The following C2orf80 variants were observed in gnomAD, a reference collection of about 807,000 sequenced individuals.
C2orf80 encodes the protein uncharacterized protein C2orf80.
In C2orf80, 28 loss-of-function variants were observed where a neutral mutation model predicts 30.2. That is an observed-to-expected ratio of 0.93 (90% CI 0.69 to 1.27). C2orf80 has a LOEUF of 1.27. Among genes scored for constraint, C2orf80 ranks in the 50% most tolerant of loss-of-function variants. The pLI is 0.00. For missense variants in C2orf80, 220 were observed against 231.0 expected (o/e 0.95, Z 0.31); for synonymous variants, 80 against 76.4 (o/e 1.05, Z -0.24).
In C2orf80 at chr2:208,176,869, A is replaced by G. The variant is rs556267658; in HGVS notation, c.366+3876T>C. ...TAATATATCTATATATATACTATAT[A>G]TACATATGTATACATAGGTGTATAT... On this transcript the variant is annotated intron_variant, in intron 6 of 8. Coordinates refer to ENST00000341287, the MANE Select transcript of C2orf80 (RefSeq NM_001099334.3). 1.3e-3 allele frequency among the ~76,000 whole-genome samples: 174 copies of G among 132,226 alleles called. 3 individuals carry two copies. Among genetic ancestry groups the G allele is most frequent in the African/African-American group, 4.3e-3 (156 of 36,278 alleles). The allele number at this position is 132,226 out of a possible 152,430, so 86.7% of individuals were successfully genotyped here. A position where few individuals can be genotyped will look rare whatever the true frequency, so the allele number is the denominator to read the frequency against.
At chr2:208,167,485 G>GCA (rs1695934694) in intron 8 of C2orf80, among the ~76,000 whole-genome samples, 1 of 151,848 alleles carries the variant, frequency 6.6e-6, no homozygotes, top group South Asian at 2.1e-4. Context: ...TAACACCACT[G>GCA]CACTCCAGCC....
At chr2:208,173,888 T>C (rs1253676706) in intron 6 of C2orf80, among the ~76,000 whole-genome samples, 1 of 152,118 alleles carries the variant, frequency 6.6e-6, no homozygotes, top group Non-Finnish European at 1.5e-5. Context: ...TTTAAATATA[T>C]ATTGGTAAGT....
At chr2:208,179,706 T>A (rs1207233590) in intron 6 of C2orf80, among the ~76,000 whole-genome samples, 1 of 149,176 alleles carries the variant, frequency 6.7e-6, no homozygotes, top group Non-Finnish European at 1.5e-5. Context: ...GAACACCCTT[T>A]TTTTTTTTTT....
intron 4 of C2orf80, among the ~76,000 whole-genome samples, chr2:208,181,658 C>T (rs917210366): frequency 1.3e-5 from 2 of 152,084 alleles, no homozygotes; most frequent in Middle Eastern, 3.2e-3. Context: ...AGCCTATATG[C>T]TTCTAGGGAA....
chr2:208,176,085 T>C (rs968115283), intron 6 of C2orf80, among the ~76,000 whole-genome samples: 2 of 152,228 alleles, frequency 1.3e-5, no homozygotes, highest in African/African-American at 2.4e-5. Flanking sequence ...TACACGTGGA[T>C]GCTTGATTAG....
At chr2:208,180,452 A>G (rs1030798251) in intron 6 of C2orf80, among the ~76,000 whole-genome samples, 1 of 151,702 alleles carries the variant, frequency 6.6e-6, no homozygotes, top group Admixed American at 6.6e-5. Context: ...TCTGTCTCAA[A>G]AAAAAAAAAC....
rs1311304408 is a variant in C2orf80, at chr2:208,165,383, A to T, written c.*424T>A. The stretch of plus-strand genomic sequence containing the variant: ...AATGCTTTATTGAAATGATTTAAAC[A>T]TTCTTTTCATATGAGAACACAGTAA... On this transcript the variant is annotated 3_prime_UTR_variant, in exon 9 of 9. Coordinates refer to ENST00000341287, the MANE Select transcript of C2orf80 (RefSeq NM_001099334.3). 6.3e-6 allele frequency: 1 copy of T among 158,206 alleles called. No homozygotes were observed. The highest frequency in any genetic ancestry group is 1.4e-5 in the Non-Finnish European group (1 of 71,800). The allele number at this position is 158,206 out of a possible 1,614,324, so 9.8% of individuals were successfully genotyped here.
chr2:208,184,708 T>C (rs991060892), intron 3 of C2orf80, among the ~76,000 whole-genome samples: 1 of 152,230 alleles, frequency 6.6e-6, no homozygotes, highest in Non-Finnish European at 1.5e-5. Flanking sequence ...TTTTGATTTT[T>C]AATCTTCTTT....
chr2:208,169,538 C>A (rs1448085824), intron 8 of C2orf80, among the ~76,000 whole-genome samples: 1 of 151,768 alleles, frequency 6.6e-6, no homozygotes, highest in African/African-American at 2.4e-5. Flanking sequence ...CATGGTGAAA[C>A]CCCACCTCTA....
At chr2:208,188,173 A>G (rs1273213976) in intron 1 of C2orf80, among the ~76,000 whole-genome samples, 1 of 151,682 alleles carries the variant, frequency 6.6e-6, no homozygotes, top group East Asian at 1.9e-4. Context: ...GAACCCTAAT[A>G]CTCAAATATA....
At position 208,182,589 on chromosome 2, in the gene C2orf80, C is replaced by T. The variant is rs764966512; in HGVS notation, c.206+376G>A. On this transcript the variant is annotated intron_variant, in intron 4 of 8. Coordinates refer to ENST00000341287, the MANE Select transcript of C2orf80 (RefSeq NM_001099334.3). ...CGAATTTTTGTATTTTTAATAGAGG[C>T]GAGGTTTTACCATATTGTCCAGGTT... Among the ~76,000 whole-genome samples the T allele has an allele frequency of 6.6e-5, 10 of 152,224 alleles. No individual in the cohort carries two copies. In the East Asian group the frequency reaches 7.7e-4, roughly 12 times the overall value.
intron 6 of C2orf80, among the ~76,000 whole-genome samples, chr2:208,175,019 C>A (rs1696237777): frequency 6.6e-6 from 1 of 152,120 alleles, no homozygotes; most frequent in South Asian, 2.1e-4. Context: ...GGTGGCTCAG[C>A]CTGTAATCCC....
At chr2:208,183,385 A>C (rs1414691910) in intron 3 of C2orf80, among the ~76,000 whole-genome samples, 1 of 152,136 alleles carries the variant, frequency 6.6e-6, no homozygotes, top group East Asian at 1.9e-4. Flanking sequence ...GCTCAAATCT[A>C]GGTATTGCCA....
At chr2:208,167,446 C>T (rs1007875721) in intron 8 of C2orf80, among the ~76,000 whole-genome samples, 7 of 151,700 alleles carry the variant, frequency 4.6e-5, no homozygotes, top group African/African-American at 1.2e-4. Flanking sequence ...CGCTTAAACC[C>T]GGGAAGCAGA....
At chr2:208,173,900 T>C (rs1696194157) in intron 6 of C2orf80, among the ~76,000 whole-genome samples, 1 of 152,078 alleles carries the variant, frequency 6.6e-6, no homozygotes, top group Non-Finnish European at 1.5e-5. Flanking sequence ...TTGGTAAGTG[T>C]TCATTTGGAC....
chr2:208,175,342 C>T (rs1696251811), intron 6 of C2orf80, among the ~76,000 whole-genome samples: 1 of 151,988 alleles, frequency 6.6e-6, no homozygotes, highest in African/African-American at 2.4e-5. Context: ...GGCTAGTTGT[C>T]AATAACTCTC....
chr2:208,184,837 T>G, intron 3 of C2orf80, 114 bp downstream of exon 3: 1 of 733,618 alleles, frequency 1.4e-6, no homozygotes, highest in Non-Finnish European at 2.2e-6. Flanking sequence ...AAGAGGACAT[T>G]TGGGGGATGG....
chr2:208,177,258 G>A (rs1696387123), intron 6 of C2orf80, among the ~76,000 whole-genome samples: 1 of 149,524 alleles, frequency 6.7e-6, no homozygotes, highest in African/African-American at 2.5e-5. Flanking sequence ...CAAAATACAA[G>A]CGGCCAGACG....
intron 6 of C2orf80, among the ~76,000 whole-genome samples, chr2:208,176,970 C>CAT (rs1491289017): frequency 1.1e-5 from 1 of 91,960 alleles, no homozygotes; most frequent in African/African-American, 3.7e-5. Context: ...CATATGTATA[C>CAT]ATATATACAG....
Sources: allele counts gnomAD v4.1 joint callset (sites outside exome capture counted in the v4.1 genomes callset), GRCh38; gene constraint gnomAD v4.1.1; transcripts MANE v1.5; gene names NCBI Gene and HGNC (gene_info 2026-07-23, HGNC 2026-07-21).